The following FRK variants were observed in gnomAD, a reference collection of about 807,000 sequenced individuals.
The protein encoded by FRK is tyrosine-protein kinase FRK.
FRK carries 51 observed loss-of-function variants against 56.4 expected under a neutral mutation model. The observed-to-expected ratio is 0.90, with a 90% CI of 0.72 to 1.14. FRK has a LOEUF of 1.14. Among genes scored for constraint, FRK ranks in the 50% most tolerant of loss-of-function variants. The pLI is 0.00. For missense variants in FRK, 570 were observed against 601.4 expected (o/e 0.95, Z 0.55); for synonymous variants, 245 against 217.9 (o/e 1.12, Z -1.10).
rs114963324 is a variant in FRK, at chr6:115,945,510, G to A, written c.959-1085C>T. On this transcript the variant is annotated intron_variant, in intron 5 of 7. Coordinates refer to ENST00000606080, the MANE Select transcript of FRK (RefSeq NM_002031.3). ...CATGATTTCAATACCACATGTCACT[G>A]ACTAATTTCTTCATGGAAATTATTA... Among the ~76,000 whole-genome samples, 520 of 152,098 alleles carry A rather than the reference G, an allele frequency of 3.4e-3. 4 individuals carry two copies. The highest frequency in any genetic ancestry group is 0.012 in the African/African-American group (480 of 41,506).
intron 1 of FRK, among the ~76,000 whole-genome samples, chr6:116,050,781 G>C (rs1777151223): frequency 6.6e-6 from 1 of 152,148 alleles, no homozygotes. Flanking sequence ...AAAGTTTGTT[G>C]AATGGATAAC....
chr6:115,987,489 A>G (rs1214480263), intron 2 of FRK, among the ~76,000 whole-genome samples: 2 of 152,284 alleles, frequency 1.3e-5, no homozygotes, highest in Admixed American at 6.5e-5. Flanking sequence ...TTGAAGACAT[A>G]AGAAAGCAAT....
intron 2 of FRK, among the ~76,000 whole-genome samples, chr6:115,995,257 CTCCAGCCACTA>C (rs1326262641): frequency 2.0e-5 from 3 of 152,114 alleles, no homozygotes; most frequent in Non-Finnish European, 4.4e-5. Flanking sequence ...AGGATGCTAA[CTCCAGCCACTA>C]TCTTAATCTG....
the FRK span, among the ~76,000 whole-genome samples, chr6:116,093,006 A>G: frequency 6.6e-6 from 1 of 152,154 alleles, no homozygotes; most frequent in Non-Finnish European, 1.5e-5. Flanking sequence ...AAATAACAAT[A>G]CTATCCTGCA....
At chr6:116,039,286 C>T in intron 1 of FRK, 1 of 1,466,296 alleles carries the variant, frequency 6.8e-7, no homozygotes, top group Admixed American at 1.7e-5. Flanking sequence ...TGCAACACCC[C>T]AGAAGGCCCA....
the FRK span, among the ~76,000 whole-genome samples, chr6:116,085,074 A>T: frequency 6.6e-6 from 1 of 152,170 alleles, no homozygotes; most frequent in Non-Finnish European, 1.5e-5. Flanking sequence ...GATGTGTGAA[A>T]GCGTGGCTGA....
chr6:116,054,940 A>C (rs2114825488), intron 1 of FRK, among the ~76,000 whole-genome samples: 1 of 152,240 alleles, frequency 6.6e-6, no homozygotes, highest in Middle Eastern at 3.4e-3. Context: ...CCTATAATTA[A>C]GATGCAAAAG....
At chr6:116,005,873 A>G (rs1458319149) in intron 1 of FRK, among the ~76,000 whole-genome samples, 1 of 152,218 alleles carries the variant, frequency 6.6e-6, no homozygotes, top group Non-Finnish European at 1.5e-5. Context: ...GATGCTACCT[A>G]CAGCATACAC....
intron 1 of FRK, among the ~76,000 whole-genome samples, chr6:116,054,518 A>G (rs371378765): frequency 2.1e-5 from 3 of 144,720 alleles, no homozygotes; most frequent in East Asian, 2.1e-4. Flanking sequence ...ATTATACTAT[A>G]TATTATATAT....
chr6:116,047,260 A>G (rs1776999123), intron 1 of FRK, among the ~76,000 whole-genome samples: 1 of 151,992 alleles, frequency 6.6e-6, no homozygotes. Flanking sequence ...CTAACCCACC[A>G]GGGGATACTG....
the FRK span, among the ~76,000 whole-genome samples, chr6:116,075,300 T>C: frequency 3.3e-5 from 5 of 152,024 alleles, no homozygotes; most frequent in African/African-American, 9.7e-5. Flanking sequence ...TCTGCAAAAA[T>C]AGGGATAATT....
Position 115,938,063 on chromosome 6 carries a change from T to C in FRK, c.*4351A>G, listed in dbSNP as rs12191021. The C allele has an allele frequency of 0.19, 28,718 of 152,076 alleles. 3,292 individuals carry two copies. The highest frequency in any genetic ancestry group is 0.31 in the Middle Eastern group (91 of 296). The allele number at this position is 152,076 out of a possible 1,614,324, so 9.4% of individuals were successfully genotyped here. ...CTCATCGCACTTATTCTAAAAGTGATCACATAATTGGAAGTAAAACACTCC... is the reference window on the plus strand; with the variant it reads ...CTCATCGCACTTATTCTAAAAGTGACCACATAATTGGAAGTAAAACACTCC... On this transcript the variant is annotated 3_prime_UTR_variant, in exon 8 of 8. Transcript: ENST00000606080.
At chr6:116,034,072 C>G (rs549424392) in intron 1 of FRK, among the ~76,000 whole-genome samples, 1 of 152,152 alleles carries the variant, frequency 6.6e-6, no homozygotes, top group East Asian at 1.9e-4. Flanking sequence ...GCTGGGGTAA[C>G]CTTTGCGGGG....
chr6:116,086,254 G>C, the FRK span, among the ~76,000 whole-genome samples: 1 of 152,072 alleles, frequency 6.6e-6, no homozygotes, highest in Non-Finnish European at 1.5e-5. Flanking sequence ...TTTTCCAACA[G>C]TCAAAAGTCA....
At chr6:116,009,399 C>T (rs928960310) in intron 1 of FRK, among the ~76,000 whole-genome samples, 1 of 152,174 alleles carries the variant, frequency 6.6e-6, no homozygotes, top group South Asian at 2.1e-4. Context: ...AGTCCCCCAG[C>T]TGAATCTAAT....
intron 1 of FRK, among the ~76,000 whole-genome samples, chr6:116,057,357 C>G (rs1272919543): frequency 6.6e-6 from 1 of 152,160 alleles, no homozygotes; most frequent in Non-Finnish European, 1.5e-5. Context: ...TATAATTCTT[C>G]AAGTGTTAAA....
At chr6:115,956,281 A>G (rs1035221879) in intron 5 of FRK, among the ~76,000 whole-genome samples, 171 bp downstream of exon 5, 2 of 152,238 alleles carry the variant, frequency 1.3e-5, no homozygotes, top group African/African-American at 2.4e-5. Flanking sequence ...TGAATATACA[A>G]TATATAACCT....
chr6:115,966,062 TAAA>T (rs59379013), intron 4 of FRK, among the ~76,000 whole-genome samples: 1 of 126,572 alleles, frequency 7.9e-6, no homozygotes, highest in African/African-American at 2.9e-5. Context: ...AAAAAAAAAT[TAAA>T]AAAAAAAAGA....
chr6:115,954,405 C>T (rs1186691368), intron 5 of FRK, among the ~76,000 whole-genome samples: 4 of 152,122 alleles, frequency 2.6e-5, no homozygotes, highest in Non-Finnish European at 5.9e-5. Context: ...GAAGACCAGC[C>T]GGGAGCTACT....
Sources: gnomAD v4.1 joint callset for allele counts (sites outside exome capture counted in the v4.1 genomes callset) on GRCh38, gnomAD v4.1.1 for gene constraint, MANE v1.5 for transcripts, NCBI Gene and HGNC (gene_info 2026-07-23, HGNC 2026-07-21) for gene names.